COL21A1: variants seen among roughly 807,000 people sequenced by gnomAD.
COL21A1 encodes the protein collagen alpha-1(XXI) chain.
A neutral mutation model predicts 137.9 loss-of-function variants in COL21A1; 149 were observed. That is an observed-to-expected ratio of 1.08 (90% CI 0.95 to 1.24). The LOEUF (loss-of-function observed/expected upper bound fraction) is 1.24, where lower values mean the gene tolerates loss of function less well. Among genes scored for constraint, COL21A1 ranks in the 50% most tolerant of loss-of-function variants. COL21A1 has a pLI of 0.00. For synonymous variants in COL21A1, 456 were observed against 391.5 expected (o/e 1.16, Z -1.95); for missense variants, 1,167 against 1,158.4 (o/e 1.01, Z -0.11).
At chr6:56,175,233 C>A (rs1777369318) in intron 3 of COL21A1, among the ~76,000 whole-genome samples, 1 of 152,038 alleles carries the variant, frequency 6.6e-6, no homozygotes, top group African/African-American at 2.4e-5. Flanking sequence ...AGATGAGGAA[C>A]AAGACAAAGA....
intron 17 of COL21A1, among the ~76,000 whole-genome samples, chr6:56,080,952 G>C (rs1408396129): frequency 6.6e-6 from 1 of 151,752 alleles, no homozygotes; most frequent in African/African-American, 2.4e-5. Flanking sequence ...GAGTCAGCCA[G>C]CCCATGTCCT....
At chr6:56,241,311 G>GC (rs957084930) in intron 1 of COL21A1, among the ~76,000 whole-genome samples, 3 of 152,096 alleles carry the variant, frequency 2.0e-5, no homozygotes, top group African/African-American at 7.2e-5. Flanking sequence ...CAGAAATAGA[G>GC]CCCTTTCAAA....
chr6:56,204,775 G>A (rs962898184), intron 1 of COL21A1, among the ~76,000 whole-genome samples: 4 of 152,170 alleles, frequency 2.6e-5, no homozygotes, highest in African/African-American at 9.7e-5. Context: ...GAAACTTCCA[G>A]AGGAAGGAAC....
rs77523839 is a variant in COL21A1 at position 56,212,729 on chromosome 6, C to T, written c.-38-30073G>A. Among the ~76,000 whole-genome samples the T allele has an allele frequency of 8.6e-3, 1,310 of 152,070 alleles. 20 individuals are homozygous for T. The highest frequency in any genetic ancestry group is 0.029 in the African/African-American group (1,215 of 41,502). On this transcript the variant is annotated intron_variant, in intron 1 of 29. Transcript: ENST00000244728. ...GATACAGAGCATCATTTTCACCTCA[C>T]TTAATAGAGCACTTAACATCTCAAT...
At chr6:56,063,932 C>G (rs926691406) in intron 24 of COL21A1, among the ~76,000 whole-genome samples, 1 of 152,104 alleles carries the variant, frequency 6.6e-6, no homozygotes, top group African/African-American at 2.4e-5. Context: ...AGCAACACAG[C>G]AGCAAACATG....
At chr6:56,321,256 G>T (rs1390417197) in intron 1 of COL21A1, among the ~76,000 whole-genome samples, 3 of 152,128 alleles carry the variant, frequency 2.0e-5, no homozygotes, top group African/African-American at 7.2e-5. Context: ...ACCAGTCCTA[G>T]AAATTAAGAG....
intron 14 of COL21A1, 83 bp from the exon 15 acceptor site, chr6:56,124,375 T>A: frequency 1.6e-6 from 2 of 1,264,296 alleles, no homozygotes; most frequent in South Asian, 1.3e-5. Flanking sequence ...GAAAAGCTAC[T>A]AAGTTAACAT....
At chr6:56,145,813 T>G (rs1468144961) in intron 10 of COL21A1, among the ~76,000 whole-genome samples, 1 of 152,092 alleles carries the variant, frequency 6.6e-6, no homozygotes, top group Non-Finnish European at 1.5e-5. Context: ...TGACAGTATT[T>G]AAGTCTTTTC....
chr6:56,309,138 GT>G (rs1282445783), intron 1 of COL21A1, among the ~76,000 whole-genome samples: 3 of 151,710 alleles, frequency 2.0e-5, no homozygotes, highest in African/African-American at 7.3e-5. Flanking sequence ...TGCCTCCCGG[GT>G]TAAGCGATTC....
chr6:56,346,939 C>T (rs1421158906), intron 1 of COL21A1, among the ~76,000 whole-genome samples: 1 of 152,140 alleles, frequency 6.6e-6, no homozygotes, highest in Admixed American at 6.5e-5. Flanking sequence ...TGATGTCACT[C>T]GCTGTAGCAC....
chr6:56,261,590 T>C (rs1023394274), intron 1 of COL21A1, among the ~76,000 whole-genome samples: 14 of 152,196 alleles, frequency 9.2e-5, no homozygotes, highest in African/African-American at 3.4e-4. Flanking sequence ...TACAGGCACC[T>C]TGGTCATTGA....
upstream of COL21A1, among the ~76,000 whole-genome samples, chr6:56,250,602 C>A (rs879487870): frequency 2.6e-5 from 4 of 152,158 alleles, no homozygotes; most frequent in Non-Finnish European, 4.4e-5. Context: ...TCAGCCCTAG[C>A]CAACACTTTG....
rs985906437 is a variant in COL21A1 at position 56,085,736 on chromosome 6, A to G, written c.1813-8163T>C. On this transcript the variant is annotated intron_variant, in intron 17 of 29. Coordinates refer to ENST00000244728, the MANE Select transcript of COL21A1 (RefSeq NM_030820.4). ...ATCTAGTTTCTTGGGCTTTGACCCC[A>G]AATTTTGATTTATCAGGAGCAGAAT... 3.9e-5 allele frequency among the ~76,000 whole-genome samples: 6 copies of G among 152,024 alleles called. No individual in the cohort carries two copies. The East Asian group carries it at 9.6e-4, about 24-fold the overall frequency.
At chr6:56,272,786 C>T (rs955031133) in intron 1 of COL21A1, among the ~76,000 whole-genome samples, 3 of 152,122 alleles carry the variant, frequency 2.0e-5, no homozygotes, top group African/African-American at 7.2e-5. Flanking sequence ...CTCTCTCCTG[C>T]TGCCTTGTGA....
chr6:56,188,749 C>T (rs975006094), intron 1 of COL21A1, among the ~76,000 whole-genome samples: 13 of 152,258 alleles, frequency 8.5e-5, no homozygotes, highest in Non-Finnish European at 1.5e-5. Context: ...CTGGCAGGTG[C>T]CCCTCTGGGA....
At chr6:56,173,645 A>AC (rs1777231614) in intron 3 of COL21A1, among the ~76,000 whole-genome samples, 1 of 152,190 alleles carries the variant, frequency 6.6e-6, no homozygotes, top group African/African-American at 2.4e-5. Flanking sequence ...GGGTCAACTC[A>AC]CCAGGAAGAT....
chr6:56,283,183 G>A (rs1424247928), intron 1 of COL21A1, among the ~76,000 whole-genome samples: 2 of 151,704 alleles, frequency 1.3e-5, no homozygotes, highest in Non-Finnish European at 2.9e-5. Context: ...AGGGAATCAA[G>A]ACTTGCATAA....
Position 56,056,844 on chromosome 6 carries a change from G to A in COL21A1, c.*813C>T, listed in dbSNP as rs1765387158. On this transcript the variant is annotated 3_prime_UTR_variant, in exon 30 of 30. Coordinates refer to ENST00000244728, the MANE Select transcript of COL21A1 (RefSeq NM_030820.4). The stretch of plus-strand genomic sequence containing the variant: ...TGCTACAATGAAAATTAACATATAT[G>A]GACATACACATATAAGTGAAATGGA... 1 of 152,040 alleles carries A rather than the reference G, an allele frequency of 6.6e-6. No individual in the cohort carries two copies. Among genetic ancestry groups the A allele is most frequent in the Non-Finnish European group, 1.5e-5 (1 of 68,008 alleles). The allele number at this position is 152,040 out of a possible 1,614,324, so 9.4% of individuals were successfully genotyped here. A position where few individuals can be genotyped will look rare whatever the true frequency, so the allele number is the denominator to read the frequency against.
At position 56,056,948 on chromosome 6, in the gene COL21A1, C is replaced by A. The variant is rs1410189945; in HGVS notation, c.*709G>T. On this transcript the variant is annotated 3_prime_UTR_variant, in exon 30 of 30. Transcript: ENST00000244728. ...TTTAGTACTTCCAAACTTACATTTTCTTTGAATGTACAATGAAACTTTTTG... is the reference window on the plus strand; with the variant it reads ...TTTAGTACTTCCAAACTTACATTTTATTTGAATGTACAATGAAACTTTTTG... The A allele has an allele frequency of 1.3e-5, 2 of 152,152 alleles. No individual in the cohort carries two copies. The highest frequency in any genetic ancestry group is 6.6e-5 in the Admixed American group (1 of 15,266). 9.4% of individuals were successfully genotyped at this position (152,152 alleles called of 1,614,324 possible).
Sources: allele counts gnomAD v4.1 joint callset (sites outside exome capture counted in the v4.1 genomes callset), GRCh38; gene constraint gnomAD v4.1.1; transcripts MANE v1.5; gene names NCBI Gene and HGNC (gene_info 2026-07-23, HGNC 2026-07-21).